LSM14A: variants seen among roughly 807,000 people sequenced by gnomAD.
LSM14A encodes the protein protein LSM14 homolog A.
Under a neutral mutation model 52.4 loss-of-function variants are expected in LSM14A, and 14 were observed. The ratio of observed to expected loss-of-function variants is 0.27; its 90% CI spans 0.18 to 0.42. The LOEUF (loss-of-function observed/expected upper bound fraction) is 0.42, where lower values mean the gene tolerates loss of function less well. LSM14A is among the 10% of genes least tolerant of loss of function. The pLI, the probability that LSM14A is intolerant of heterozygous loss-of-function variation, is 1.00. For missense variants in LSM14A, 417 were observed against 581.8 expected (o/e 0.72, Z 2.91); for synonymous variants, 185 against 200.3 (o/e 0.92, Z 0.64).
Position 34,215,126 on chromosome 19 carries a change from C to G in LSM14A, c.541C>G (p.Arg181Gly). 1 of 1,602,444 alleles carries G rather than the reference C, an allele frequency of 6.2e-7. No individual in the cohort carries two copies. The highest frequency in any genetic ancestry group is 8.5e-7 in the Non-Finnish European group (1 of 1,176,342). ...GTTATCTTTTGGTTACATTTTAGGT[C>G]GCTCAAGCCCTCAGTTAGACCCTTT... Reference protein sequence around the residue: ...RSLKTQLSQGRSSPQLDPLRK... With the variant: ...RSLKTQLSQGGSSPQLDPLRK... The change falls in exon 5 of 10, where the codon CGC becomes GGC. Residue 181 changes from arginine to glycine, a missense_variant and splice_region_variant. Physicochemically the swap from Arg to Gly is moderately radical, Grantham distance 125. This residue lies in a region of LSM14A where 357 missense variants were observed against 457.0 expected (regional missense o/e 0.78). Coordinates refer to ENST00000544216, the MANE Select transcript of LSM14A (RefSeq NM_015578.4).
At chr19:34,185,717 TATCTC>T (rs1314685101) in intron 1 of LSM14A, among the ~76,000 whole-genome samples, 9 of 152,218 alleles carry the variant, frequency 5.9e-5, no homozygotes, top group Admixed American at 2.6e-4. Flanking sequence ...TATTCCAACA[TATCTC>T]AGATAGTTTC....
chr19:34,175,131 T>C (rs1480001805), intron 1 of LSM14A, among the ~76,000 whole-genome samples: 6 of 151,670 alleles, frequency 4.0e-5, no homozygotes, highest in Non-Finnish European at 8.9e-5. Context: ...TTGATAAATA[T>C]ATGAATATAG....
intron 3 of LSM14A, 175 bp from the exon 4 acceptor site, chr19:34,208,754 C>A: frequency 2.0e-6 from 1 of 512,702 alleles, no homozygotes; most frequent in Non-Finnish European, 3.4e-6. Flanking sequence ...CTCCATATTG[C>A]CATAAAATTC....
chr19:34,210,958 A>G (rs1181091314), intron 4 of LSM14A, among the ~76,000 whole-genome samples: 1 of 152,186 alleles, frequency 6.6e-6, no homozygotes, highest in Admixed American at 6.5e-5. Context: ...AATGAGAACT[A>G]ATAAGGAACT....
intron 4 of LSM14A, 99 bp from the exon 5 acceptor site, chr19:34,215,025 T>C: frequency 1.1e-6 from 1 of 908,932 alleles, no homozygotes. Flanking sequence ...GCTAAGGGTT[T>C]GAATTGATAG....
chr19:34,184,851 C>T (rs1267337654), intron 1 of LSM14A, among the ~76,000 whole-genome samples: 4 of 152,000 alleles, frequency 2.6e-5, no homozygotes, highest in Non-Finnish European at 4.4e-5. Context: ...TTTTGTTTTT[C>T]GTCAGAGACA....
intron 3 of LSM14A, among the ~76,000 whole-genome samples, chr19:34,205,854 TTTTTTA>T (rs1568489185): frequency 1.3e-5 from 2 of 152,156 alleles, no homozygotes; most frequent in African/African-American, 4.8e-5. Flanking sequence ...GGTTTTTTTA[TTTTTTA>T]TTTTTATTTT....
intron 3 of LSM14A, among the ~76,000 whole-genome samples, chr19:34,199,498 G>T (rs934319832): frequency 4.6e-5 from 7 of 152,122 alleles, no homozygotes; most frequent in Non-Finnish European, 1.0e-4. Flanking sequence ...TACTTATGTT[G>T]GGAAATAGTG....
chr19:34,177,692 A>G (rs1421490815), intron 1 of LSM14A, among the ~76,000 whole-genome samples: 1 of 151,918 alleles, frequency 6.6e-6, no homozygotes. Flanking sequence ...GTTCAAAACC[A>G]GCCTCGGCAA....
Position 34,219,804 on chromosome 19 carries a change from G to T in LSM14A, c.1063G>T (p.Asp355Tyr), listed in dbSNP as rs1484726620. 1 of 1,613,552 alleles carries T rather than the reference G, an allele frequency of 6.2e-7. No homozygotes were observed. Among genetic ancestry groups the T allele is most frequent in the Admixed American group, 1.7e-5 (1 of 60,000 alleles). ...QNSEGNADEE[D>Y]PLGPNCYYDK... ...CAGTGAAGGAAATGCCGATGAAGAAGATCCACTTGGACCTAATTGCTATTA... is the reference window on the plus strand; with the variant it reads ...CAGTGAAGGAAATGCCGATGAAGAATATCCACTTGGACCTAATTGCTATTA... Residue 355 changes from aspartate to tyrosine, a missense_variant, in exon 8 of 10, where the codon GAT becomes TAT. Transcript: ENST00000544216.
intron 1 of LSM14A, among the ~76,000 whole-genome samples, chr19:34,185,134 G>C (rs538202423): frequency 6.6e-6 from 1 of 152,118 alleles, no homozygotes; most frequent in Non-Finnish European, 1.5e-5. Flanking sequence ...TTTTTCAGTC[G>C]AAGATGATGT....
At chr19:34,223,829 G>T (rs183348352) in intron 9 of LSM14A, among the ~76,000 whole-genome samples, 294 of 152,326 alleles carry the variant, frequency 1.9e-3, no homozygotes, top group Non-Finnish European at 3.4e-3. Context: ...TGACCTTTCA[G>T]ACCCTTGGTT....
chr19:34,216,990 G>A (rs1247452467), intron 6 of LSM14A, among the ~76,000 whole-genome samples: 3 of 152,072 alleles, frequency 2.0e-5, no homozygotes, highest in East Asian at 1.9e-4. Context: ...GGCCAGGCAC[G>A]GTGGCTCACA....
In LSM14A at chr19:34,195,027, T is replaced by G. The variant is rs117612640; in HGVS notation, c.285+386T>G. ...CAGATCCAGGCAGCCTGCTTCAGAATCTAGGATCCGTGCTACCATGCTATT... is the reference window on the plus strand; with the variant it reads ...CAGATCCAGGCAGCCTGCTTCAGAAGCTAGGATCCGTGCTACCATGCTATT... On this transcript the variant is annotated intron_variant, in intron 2 of 9. Coordinates refer to ENST00000544216, the MANE Select transcript of LSM14A (RefSeq NM_015578.4). Among the ~76,000 whole-genome samples, 355 of 152,066 alleles carry G rather than the reference T, an allele frequency of 2.3e-3. 5 individuals are homozygous for G. The East Asian group carries it at 0.045, about 19-fold the overall frequency.
intron 1 of LSM14A, among the ~76,000 whole-genome samples, chr19:34,188,232 G>T (rs572534091): frequency 5.9e-5 from 9 of 152,284 alleles, no homozygotes; most frequent in African/African-American, 2.2e-4. Context: ...GTTGCAGTGA[G>T]CCGAGATGGC....
At chr19:34,216,269 C>T (rs951549185) in intron 6 of LSM14A, among the ~76,000 whole-genome samples, 2 of 151,954 alleles carry the variant, frequency 1.3e-5, no homozygotes, top group South Asian at 2.1e-4. Context: ...AAAAATTAGC[C>T]GGGCGCAGTG....
In LSM14A at chr19:34,216,605, G is replaced by A. The variant is rs556291208; in HGVS notation, c.781+944G>A. 1.2e-4 allele frequency among the ~76,000 whole-genome samples: 18 copies of A among 151,912 alleles called. No individual in the cohort carries two copies. The South Asian group carries it at 1.5e-3, about 12-fold the overall frequency. Reference sequence around the variant, plus strand: ...CTCCCTAGTAGCTGGGATTACAGCCGCGTGCCACCATACCCAGCTAATTTT... The same window carrying A: ...CTCCCTAGTAGCTGGGATTACAGCCACGTGCCACCATACCCAGCTAATTTT... On this transcript the variant is annotated intron_variant, in intron 6 of 9. Transcript: ENST00000544216.
intron 9 of LSM14A, among the ~76,000 whole-genome samples, chr19:34,223,912 A>T (rs2073199151): frequency 6.6e-6 from 1 of 152,230 alleles, no homozygotes; most frequent in Admixed American, 6.5e-5. Context: ...AAACTTTCAG[A>T]GTTGGAAAAC....
At chr19:34,192,319 G>GTTTTTTC (rs2070456682) in intron 1 of LSM14A, among the ~76,000 whole-genome samples, 1 of 53,410 alleles carries the variant, frequency 1.9e-5, no homozygotes, top group Non-Finnish European at 3.3e-5. Flanking sequence ...TCTTTTTGTT[G>GTTTTTTC]TTTTTTTTTT....
Sources: gnomAD v4.1 joint callset for allele counts (sites outside exome capture counted in the v4.1 genomes callset) on GRCh38, gnomAD v4.1.1 for gene constraint, gnomAD v4.1.1 regional missense constraint, MANE v1.5 for transcripts, NCBI Gene and HGNC (gene_info 2026-07-23, HGNC 2026-07-21) for gene names.